The following PIK3CA variants were observed in gnomAD, a reference collection of about 807,000 sequenced individuals.
The protein encoded by PIK3CA is phosphatidylinositol-4,5-bisphosphate 3-kinase catalytic subunit alpha.
In PIK3CA, 27 loss-of-function variants were observed where a neutral mutation model predicts 138.2. The ratio of observed to expected loss-of-function variants is 0.20; its 90% CI spans 0.14 to 0.27. The LOEUF (loss-of-function observed/expected upper bound fraction) is 0.27. Ranked by LOEUF, PIK3CA falls within the 10% of genes least tolerant of loss-of-function variation. The pLI is 1.00. For synonymous variants in PIK3CA, 358 were observed against 413.2 expected, an observed-to-expected ratio of 0.87 and a Z score of 1.62; for missense variants, 544 against 1,277.4, an observed-to-expected ratio of 0.43 and a Z score of 8.75.
chr3:179,172,828 T>G (rs7634251), intron 1 of PIK3CA, among the ~76,000 whole-genome samples: 1 of 151,960 alleles, frequency 6.6e-6, no homozygotes, highest in Non-Finnish European at 1.5e-5. Context: ...CAGGCTGGTT[T>G]TAAAATTTAT....
chr3:179,218,414 T>C (rs1724891862), intron 10 of PIK3CA, 80 bp downstream of exon 10: 1 of 1,124,656 alleles, frequency 8.9e-7, no homozygotes, highest in Non-Finnish European at 1.3e-6. Context: ...TCTCAGCATG[T>C]TTTTACCATA....
intron 6 of PIK3CA, among the ~76,000 whole-genome samples, chr3:179,208,882 TATATTATGTATAAAAGTAACTA>T (rs2108398456): frequency 6.6e-6 from 1 of 151,034 alleles, no homozygotes; most frequent in Non-Finnish European, 1.5e-5. Context: ...TGGATAAAAC[TATATTATGTATAAAAGTAACTA>T]AATGTAATCA....
chr3:179,153,328 T>TA (rs1723058352), intron 1 of PIK3CA, among the ~76,000 whole-genome samples: 1 of 152,182 alleles, frequency 6.6e-6, no homozygotes, highest in Non-Finnish European at 1.5e-5. Flanking sequence ...AAAGTAAACT[T>TA]ACACAGAATG....
chr3:179,208,030 C>T (rs1173550591), intron 6 of PIK3CA, among the ~76,000 whole-genome samples: 2 of 152,130 alleles, frequency 1.3e-5, no homozygotes, highest in Non-Finnish European at 2.9e-5. Context: ...CACTGCACTT[C>T]AGCCTGGGCA....
chr3:179,165,859 CAT>C (rs1723404946), intron 1 of PIK3CA, among the ~76,000 whole-genome samples: 1 of 152,114 alleles, frequency 6.6e-6, no homozygotes, highest in Non-Finnish European at 1.5e-5. Flanking sequence ...TACTCAGTAA[CAT>C]GTTGATCTTG....
intron 1 of PIK3CA, among the ~76,000 whole-genome samples, chr3:179,149,265 T>G (rs1722944894): frequency 6.6e-6 from 1 of 152,160 alleles, no homozygotes; most frequent in African/African-American, 2.4e-5. Context: ...ATGTGACTTG[T>G]CTCTTTACTA....
chr3:179,222,339 A>G (rs1323344781), intron 14 of PIK3CA, among the ~76,000 whole-genome samples: 1 of 152,168 alleles, frequency 6.6e-6, no homozygotes, highest in Non-Finnish European at 1.5e-5. Flanking sequence ...ATAGGATGGT[A>G]GAAAATAATT....
chr3:179,226,112 G>T, intron 17 of PIK3CA, 72 bp downstream of exon 17: 1 of 758,620 alleles, frequency 1.3e-6, no homozygotes. Flanking sequence ...AATTATAGAA[G>T]CATATAGAGG....
Position 179,219,686 on chromosome 3 carries a change from A to T in PIK3CA, c.1862A>T (p.Lys621Ile), listed in dbSNP as rs1334051055. The T allele has an allele frequency of 1.9e-6, 3 of 1,610,914 alleles. No homozygotes were observed. The highest frequency in any genetic ancestry group is 2.5e-6 in the Non-Finnish European group (3 of 1,177,734). Reference sequence around the variant, plus strand: ...GGTTTTGCTGTTCGGTGCTTGGAAAAATATTTAACAGATGACAAACTTTCT... The same window carrying T: ...GGTTTTGCTGTTCGGTGCTTGGAAATATATTTAACAGATGACAAACTTTCT... The part of the protein sequence containing the change: ...VRGFAVRCLE[K>I]YLTDDKLSQY... The change falls in exon 12 of 21, where the codon AAA (lysine) becomes ATA (isoleucine). Residue 621 changes from lysine (K) to isoleucine (I), a missense_variant. Lys to Ile is a moderately radical substitution (Grantham distance 102). Coordinates refer to ENST00000263967, the MANE Select transcript of PIK3CA (RefSeq NM_006218.4). This position sits in a 1 kb window ranked among gnomAD's most constrained non-coding sequence, Gnocchi z 4.2.
Position 179,238,396 on chromosome 3 carries a change from A to C in PIK3CA, c.*4032A>C, listed in dbSNP as rs954404862. 4.6e-6 allele frequency: 1 copy of C among 218,332 alleles called. No homozygotes were observed. Among genetic ancestry groups the C allele is most frequent in the Non-Finnish European group, 9.2e-6 (1 of 108,612 alleles). The allele number at this position is 218,332 out of a possible 1,614,324, so 13.5% of individuals were successfully genotyped here. On this transcript the variant is annotated 3_prime_UTR_variant, in exon 21 of 21. Transcript: ENST00000263967. Reference sequence around the variant, plus strand: ...GGGAAGCCTGCTTTCTTTTTTCATAAAAATTATTTTTACTGTATGAAAAGA... The same window carrying C: ...GGGAAGCCTGCTTTCTTTTTTCATACAAATTATTTTTACTGTATGAAAAGA...
chr3:179,227,942 A>G (rs1431026669), intron 17 of PIK3CA, among the ~76,000 whole-genome samples: 1 of 152,068 alleles, frequency 6.6e-6, no homozygotes, highest in Non-Finnish European at 1.5e-5. Context: ...CATTTGTGGG[A>G]TTATTTGAGT....
intron 1 of PIK3CA, among the ~76,000 whole-genome samples, chr3:179,191,417 C>T (rs934876283): frequency 1.3e-5 from 2 of 152,116 alleles, no homozygotes; most frequent in Non-Finnish European, 2.9e-5. Flanking sequence ...GGTCATTCAG[C>T]AAACATTTAA....
chr3:179,185,496 G>A (rs1723955691), intron 1 of PIK3CA, among the ~76,000 whole-genome samples: 1 of 152,188 alleles, frequency 6.6e-6, no homozygotes, highest in Non-Finnish European at 1.5e-5. Context: ...TCAATAGACA[G>A]CAGTTGAGTA....
In PIK3CA at chr3:179,203,547, A is replaced by G. The variant is rs765030404; in HGVS notation, c.817A>G (p.Ile273Val). The change falls in exon 5 of 21, where the codon ATA becomes GTA. Residue 273 changes from isoleucine to valine, a missense_variant. Transcript: ENST00000263967. ...TCGCCCCCTTAATCTCTTACAGTAT[A>G]TAAGAAGCTGTATAATGCTTGGGAG... ...EKYPLSQYKY[I>V]RSCIMLGRMP... The G allele has an allele frequency of 2.7e-5, 44 of 1,613,134 alleles. No individual in the cohort carries two copies. The highest frequency in any genetic ancestry group is 3.6e-5 in the Non-Finnish European group (42 of 1,179,644).
chr3:179,198,479 C>A (rs1289184164), intron 1 of PIK3CA, among the ~76,000 whole-genome samples: 1 of 152,132 alleles, frequency 6.6e-6, no homozygotes, highest in Non-Finnish European at 1.5e-5. Flanking sequence ...CTTGATGAAA[C>A]CTTAGAGAAT....
chr3:179,214,340 A>C (rs764158900), intron 9 of PIK3CA, among the ~76,000 whole-genome samples: 15 of 152,166 alleles, frequency 9.9e-5, no homozygotes, highest in Non-Finnish European at 2.1e-4. Flanking sequence ...CTTAGAGGCC[A>C]TTGTAGGGTT....
chr3:179,164,545 A>G (rs778488818), intron 1 of PIK3CA, among the ~76,000 whole-genome samples: 8 of 152,178 alleles, frequency 5.3e-5, no homozygotes, highest in Non-Finnish European at 8.8e-5. Context: ...TTCTAATTTA[A>G]TAATATCATT....
rs568909523 is a variant in PIK3CA at position 179,229,248 on chromosome 3, G to C, written c.2496-24G>C. ...TATTTTAAAATTCCATCATTTAATT[G>C]TAAACGTGTTACTCCTCTTTCAGAA... On this transcript the variant is annotated intron_variant, in intron 17 of 20. Coordinates refer to ENST00000263967, the MANE Select transcript of PIK3CA (RefSeq NM_006218.4). 5 of 1,577,992 alleles carry C rather than the reference G, an allele frequency of 3.2e-6. No homozygotes were observed. The South Asian group carries it at 4.6e-5, about 14-fold the overall frequency.
rs201193059 is a variant in PIK3CA at position 179,199,143 on chromosome 3, C to A, written c.318C>A (p.Gly106=). The A allele has an allele frequency of 3.4e-4, 546 of 1,592,540 alleles. 6 individuals carry two copies. Among genetic ancestry groups the A allele is most frequent in the South Asian group, 3.4e-3 (292 of 86,724 alleles). ...TTTTAAAAGTAATTGAACCAGTAGG[C>A]AACCGTGAAGAAAAGATCCTCAATC... The part of the protein sequence containing the change: ...QPFLKVIEPV[G]NREEKILNRE... The change falls in exon 2 of 21, where the codon GGC becomes GGA. Residue 106 remains glycine (G), a synonymous_variant. Transcript: ENST00000263967.
Sources: allele counts gnomAD v4.1 joint callset (sites outside exome capture counted in the v4.1 genomes callset), GRCh38; gene constraint gnomAD v4.1.1; non-coding constraint Gnocchi (gnomAD v3.1); transcripts MANE v1.5; gene names NCBI Gene and HGNC (gene_info 2026-07-23, HGNC 2026-07-21).